Variants in ADH1C observed in about 807,000 individuals in gnomAD.
ADH1C encodes alcohol dehydrogenase 1C (class I), gamma polypeptide, also known as alcohol dehydrogenase 1C.
Under a neutral mutation model 35.0 loss-of-function variants are expected in ADH1C, and 26 were observed. The observed-to-expected ratio is 0.74, with a 90% CI of 0.54 to 1.03. The LOEUF is 1.03. ADH1C is among the 50% of genes least tolerant of loss of function. The pLI, the probability that ADH1C is intolerant of heterozygous loss-of-function variation, is 0.00. For missense variants in ADH1C, 413 were observed against 465.4 expected (o/e 0.89, Z 1.04); for synonymous variants, 170 against 169.3 (o/e 1.00, Z -0.03).
At chr4:99,345,112 G>T in intron 4 of ADH1C, 31 bp from the exon 5 acceptor site, 1 of 1,614,012 alleles carries the variant, frequency 6.2e-7, no homozygotes. Context: ...ACACACAAAG[G>T]CATGAGACAG....
chr4:99,347,106 C>G lies in ADH1C; in HGVS notation c.159G>C (p.Val53=), dbSNP rs993628790. Residue 53 remains valine (V), a synonymous_variant, in exon 3 of 9, where the codon GTG becomes GTC. Transcript: ENST00000515683. ...AAGICRSDEH[V]VSGNLVTPLP... is the part of the protein sequence containing the mutation. Reference sequence around the variant, plus strand: ...GGGGGGTCACCAGGTTGCCACTAACCACATGCTCATCTGAACGACAGATTC... The same window carrying G: ...GGGGGGTCACCAGGTTGCCACTAACGACATGCTCATCTGAACGACAGATTC... 6.2e-7 allele frequency: 1 copy of G among 1,614,088 alleles called. No homozygotes were observed. Among genetic ancestry groups the G allele is most frequent in the Non-Finnish European group, 8.5e-7 (1 of 1,179,994 alleles).
rs1175593992 is a variant in ADH1C, at chr4:99,342,858, T to G, written c.765A>C (p.Leu255=). Residue 255 remains leucine (L), a synonymous_variant, in exon 6 of 9, where the codon CTA becomes CTC. Transcript: ENST00000515683. ...QDYKKPIQEV[L]KEMTDGGVDF... is the part of the protein sequence containing the mutation. ...CCACACCTCCATCAGTCATTTCCTTTAGCACTTCCTGAATGGGTTTCTTGT... is the reference window on the plus strand; with the variant it reads ...CCACACCTCCATCAGTCATTTCCTTGAGCACTTCCTGAATGGGTTTCTTGT... 6.2e-7 allele frequency: 1 copy of G among 1,613,940 alleles called. No individual in the cohort carries two copies. The highest frequency in any genetic ancestry group is 1.3e-5 in the African/African-American group (1 of 74,936).
intron 1 of ADH1C, among the ~76,000 whole-genome samples, chr4:99,349,074 G>C (rs1488976099): frequency 9.4e-4 from 121 of 128,130 alleles, no homozygotes; most frequent in African/African-American, 2.1e-3. Flanking sequence ...CCATTTTGTA[G>C]GTTGCCTTTT....
intron 1 of ADH1C, among the ~76,000 whole-genome samples, chr4:99,351,902 A>G (rs951155547): frequency 6.6e-5 from 10 of 152,222 alleles, no homozygotes; most frequent in African/African-American, 2.4e-4. Context: ...AAATAAGTAT[A>G]AATTTATAGA....
intron 6 of ADH1C, among the ~76,000 whole-genome samples, chr4:99,341,573 C>T (rs1163622327): frequency 1.3e-5 from 2 of 152,294 alleles, no homozygotes; most frequent in Non-Finnish European, 2.9e-5. Context: ...CTTTATTCCT[C>T]TGTGGCATTT....
intron 1 of ADH1C, among the ~76,000 whole-genome samples, chr4:99,349,455 C>G (rs3133158): frequency 0.23 from 35,393 of 152,058 alleles, 4,896 homozygotes; most frequent in Non-Finnish European, 0.31. Flanking sequence ...TTACCCACAA[C>G]TATTGGCTGG....
At chr4:99,340,517 T>C (rs1734387536) in intron 7 of ADH1C, 58 bp downstream of exon 7, 24 of 1,597,472 alleles carry the variant, frequency 1.5e-5, no homozygotes, top group Non-Finnish European at 2.1e-5. Flanking sequence ...TTGTCACTCA[T>C]AAAAGGAGAG....
Position 99,336,528 on chromosome 4 carries a change from TC to T in ADH1C, c.*223del, listed in dbSNP as rs1169783331. 1.7e-6 allele frequency: 1 copy of T among 598,624 alleles called. No homozygotes were observed. The highest frequency in any genetic ancestry group is 2.3e-5 in the South Asian group (1 of 44,154). The allele number at this position is 598,624 out of a possible 1,614,324, so 37.1% of individuals were successfully genotyped here. On this transcript the variant is annotated 3_prime_UTR_variant, in exon 9 of 9. Coordinates refer to ENST00000515683, the MANE Select transcript of ADH1C (RefSeq NM_000669.5). The stretch of plus-strand genomic sequence containing the variant: ...AGAAGGAAGGTTTATTGGCTTCAAT[TC>T]CCCAGTTGATGTTCAACACTTTATT...
Position 99,347,726 on chromosome 4 carries a change from A to C in ADH1C, c.120+19T>G. On this transcript the variant is annotated intron_variant, in intron 2 of 8. Transcript: ENST00000515683. ...TTCTTTAAACTTAAAATTAAATACAAATGGAAAAAGTATTTCACCTTAATG... is the reference window on the plus strand; with the variant it reads ...TTCTTTAAACTTAAAATTAAATACACATGGAAAAAGTATTTCACCTTAATG... 6.3e-7 allele frequency: 1 copy of C among 1,583,486 alleles called. No individual in the cohort carries two copies. Among genetic ancestry groups the C allele is most frequent in the Non-Finnish European group, 8.6e-7 (1 of 1,165,002 alleles).
intron 1 of ADH1C, among the ~76,000 whole-genome samples, chr4:99,349,720 T>A (rs924541900): frequency 1.4e-4 from 21 of 152,310 alleles, no homozygotes; most frequent in South Asian, 1.0e-3. Context: ...GTTTTGTTCA[T>A]CTAATTTATG....
intron 1 of ADH1C, among the ~76,000 whole-genome samples, chr4:99,352,022 G>T (rs748038305): frequency 6.6e-6 from 1 of 152,132 alleles, no homozygotes; most frequent in African/African-American, 2.4e-5. Flanking sequence ...TGTTCCATAA[G>T]ATTTCTGTGG....
chr4:99,340,942 T>C (rs544538431), intron 6 of ADH1C, among the ~76,000 whole-genome samples: 111 of 152,338 alleles, frequency 7.3e-4, no homozygotes, highest in African/African-American at 2.6e-3. Context: ...TGTGTGCCCT[T>C]AGTTCTTCCT....
intron 3 of ADH1C, among the ~76,000 whole-genome samples, chr4:99,345,686 G>A (rs544709453): frequency 6.6e-6 from 1 of 152,336 alleles, no homozygotes; most frequent in South Asian, 2.1e-4. Context: ...ATGTTGGGAA[G>A]ATCTGGTATT....
intron 8 of ADH1C, 74 bp downstream of exon 8, chr4:99,339,503 C>A: frequency 7.8e-7 from 1 of 1,276,038 alleles, no homozygotes. Context: ...TCATTCTCTG[C>A]TAGACAACGC....
rs1184420268 is a variant in ADH1C, at chr4:99,345,007, A to G, written c.422T>C (p.Phe141Ser). ...FTCSGKPIHHFVGVSTFSQYT... is the reference protein window; with the variant it reads ...FTCSGKPIHHSVGVSTFSQYT... ...CTGGGAGAAGGTGCTGACGCCGACG[A>G]AGTGGTGGATGGGCTTCCCGCTGCA... Residue 141 changes from phenylalanine (F) to serine (S), a missense_variant, in exon 5 of 9, where the codon TTC becomes TCC. Physicochemically the swap from Phe to Ser is radical, Grantham distance 155. Coordinates refer to ENST00000515683, the MANE Select transcript of ADH1C (RefSeq NM_000669.5). The G allele has an allele frequency of 1.9e-6, 3 of 1,614,062 alleles. No individual in the cohort carries two copies. The highest frequency in any genetic ancestry group is 2.5e-6 in the Non-Finnish European group (3 of 1,180,046).
In ADH1C at chr4:99,345,042, C is replaced by G. The variant is rs1229101854; in HGVS notation, c.387G>C (p.Arg129Ser). 1 of 1,614,192 alleles carries G rather than the reference C, an allele frequency of 6.2e-7. No homozygotes were observed. Among genetic ancestry groups the G allele is most frequent in the South Asian group, 1.1e-5 (1 of 91,084 alleles). ...TGGGCTTCCCGCTGCAGGTGAACCTCCTGGTGCCATCCTGCAGGGTCCCCC... is the reference window on the plus strand; with the variant it reads ...TGGGCTTCCCGCTGCAGGTGAACCTGCTGGTGCCATCCTGCAGGGTCCCCC... The part of the protein sequence containing the change: ...NPRGTLQDGT[R>S]RFTCSGKPIH... Residue 129 changes from arginine to serine, a missense_variant, in exon 5 of 9, where the codon AGG (arginine) becomes AGC (serine). Arg to Ser is a moderately radical substitution (Grantham distance 110). Transcript: ENST00000515683.
intron 1 of ADH1C, among the ~76,000 whole-genome samples, chr4:99,349,346 G>C (rs1396930679): frequency 6.6e-6 from 1 of 151,762 alleles, no homozygotes; most frequent in Non-Finnish European, 1.5e-5. Flanking sequence ...TTCTACATAT[G>C]GCTAGCCAGT....
At chr4:99,339,882 A>AT (rs1734373431) in intron 7 of ADH1C, among the ~76,000 whole-genome samples, 167 bp from the exon 8 acceptor site, 1 of 130,086 alleles carries the variant, frequency 7.7e-6, no homozygotes, top group Non-Finnish European at 1.8e-5. Flanking sequence ...CAGTGCTTTC[A>AT]CAAAAAAAAT....
At chr4:99,341,942 G>T (rs1734424299) in intron 6 of ADH1C, among the ~76,000 whole-genome samples, 1 of 151,568 alleles carries the variant, frequency 6.6e-6, no homozygotes, top group African/African-American at 2.4e-5. Flanking sequence ...AGCCCAGGAG[G>T]TTAAGGCTGC....
Sources: gnomAD v4.1 joint callset for allele counts (sites outside exome capture counted in the v4.1 genomes callset) on GRCh38, gnomAD v4.1.1 for gene constraint, MANE v1.5 for transcripts, NCBI Gene and HGNC (gene_info 2026-07-23, HGNC 2026-07-21) for gene names.